The following OR2L13 variants were observed in gnomAD, a reference collection of about 807,000 sequenced individuals.
The protein encoded by OR2L13 is olfactory receptor family 2 subfamily L member 13, also known as olfactory receptor 2L13.
OR2L13 carries 14 observed loss-of-function variants against 15.3 expected under a neutral mutation model. The observed-to-expected ratio is 0.91, with a 90% confidence interval of 0.60 to 1.43. The LOEUF (loss-of-function observed/expected upper bound fraction) is 1.43. OR2L13 is among the 40% of genes most tolerant of loss of function. OR2L13 has a pLI of 0.00. For missense variants in OR2L13, 367 were observed against 387.9 expected (o/e 0.95, Z 0.45); for synonymous variants, 152 against 142.9 (o/e 1.06, Z -0.45).
the OR2L13 span, among the ~76,000 whole-genome samples, chr1:247,942,570 T>C: frequency 6.6e-6 from 1 of 152,142 alleles, no homozygotes; most frequent in Non-Finnish European, 1.5e-5. Flanking sequence ...AATTTGGTGT[T>C]CTAAATTTTC....
rs565070047 is a variant in OR2L13, at chr1:248,099,916, C to T, written c.541C>T (p.Pro181Ser). Residue 181 changes from proline to serine, a missense_variant, in exon 3 of 3, where the codon CCA becomes TCA. Transcript: ENST00000641714. ...TATTGACCATTTCTTCTGCGATGTC[C>T]CAGCCATGTTGCTTCTTGCCTGTAC... 1.4e-5 allele frequency: 22 copies of T among 1,614,096 alleles called. 2 individuals carry two copies. In the South Asian group the frequency reaches 2.2e-4, roughly 16 times the overall value.
chr1:247,975,664 A>T, the OR2L13 span: 1 of 1,079,732 alleles, frequency 9.3e-7, no homozygotes, highest in Non-Finnish European at 1.4e-6. Context: ...GATGAAGACA[A>T]ACTTTCTGCC....
chr1:248,046,896 G>A, the OR2L13 span: 2 of 152,202 alleles, frequency 1.3e-5, no homozygotes, highest in African/African-American at 4.8e-5. Flanking sequence ...AATTATAATT[G>A]TATTTTTAAA....
chr1:247,972,650 A>AACAG, the OR2L13 span, among the ~76,000 whole-genome samples: 1 of 151,800 alleles, frequency 6.6e-6, no homozygotes, highest in South Asian at 2.1e-4. Context: ...AACAAAACAA[A>AACAG]AAAAACCCAG....
chr1:247,990,888 G>A, the OR2L13 span: 2 of 1,494,558 alleles, frequency 1.3e-6, no homozygotes, highest in Non-Finnish European at 1.9e-6. Context: ...TTTTTCTTGT[G>A]TTTCCCTTCA....
chr1:248,054,795 T>C, the OR2L13 span, among the ~76,000 whole-genome samples: 1 of 152,236 alleles, frequency 6.6e-6, no homozygotes, highest in African/African-American at 2.4e-5. Context: ...TGATTTTGTA[T>C]CCTGAGAGTT....
At chr1:247,957,683 G>T in the OR2L13 span, among the ~76,000 whole-genome samples, 2 of 152,190 alleles carry the variant, frequency 1.3e-5, no homozygotes, top group African/African-American at 4.8e-5. Flanking sequence ...GGGTGTATGT[G>T]TTGAGGAATT....
chr1:248,065,924 A>G, the OR2L13 span, among the ~76,000 whole-genome samples: 1 of 152,182 alleles, frequency 6.6e-6, no homozygotes, highest in Non-Finnish European at 1.5e-5. Context: ...AGATTCTTCC[A>G]GGAATCTCTG....
chr1:248,035,265 A>T, the OR2L13 span, among the ~76,000 whole-genome samples: 1 of 152,054 alleles, frequency 6.6e-6, no homozygotes, highest in Non-Finnish European at 1.5e-5. Flanking sequence ...CCTGGCTAAC[A>T]CGGTGAAACC....
At chr1:247,967,734 T>C in the OR2L13 span, among the ~76,000 whole-genome samples, 75,212 of 151,758 alleles carry the variant, frequency 0.5, 21,149 homozygotes, top group Admixed American at 0.63. Context: ...CCTATTTAAA[T>C]ATGAATCTCA....
At chr1:247,941,670 A>AAG in the OR2L13 span, among the ~76,000 whole-genome samples, 3 of 151,316 alleles carry the variant, frequency 2.0e-5, no homozygotes, top group African/African-American at 7.3e-5. Flanking sequence ...CTTGTCATGA[A>AAG]AGAGAGAGAC....
At chr1:248,067,812 G>A in the OR2L13 span, among the ~76,000 whole-genome samples, 1 of 152,224 alleles carries the variant, frequency 6.6e-6, no homozygotes, top group African/African-American at 2.4e-5. Flanking sequence ...CTTTTCCGAC[G>A]GGCTTAAAAA....
At chr1:248,059,191 C>T in the OR2L13 span, among the ~76,000 whole-genome samples, 1 of 151,978 alleles carries the variant, frequency 6.6e-6, no homozygotes, top group African/African-American at 2.4e-5. Context: ...TAGTTGTATA[C>T]GTGGTTATAG....
At chr1:247,938,192 C>T in the OR2L13 span, among the ~76,000 whole-genome samples, 1 of 152,084 alleles carries the variant, frequency 6.6e-6, no homozygotes, top group African/African-American at 2.4e-5. Flanking sequence ...GTAACAGTCT[C>T]CTATCCCTGG....
the OR2L13 span, among the ~76,000 whole-genome samples, chr1:248,066,970 C>T: frequency 2.6e-5 from 4 of 152,198 alleles, no homozygotes; most frequent in Non-Finnish European, 5.9e-5. Flanking sequence ...TCACAAGCAT[C>T]TACAATTTGC....
chr1:247,940,721 T>C, the OR2L13 span, among the ~76,000 whole-genome samples: 1 of 103,182 alleles, frequency 9.7e-6, no homozygotes, highest in East Asian at 2.9e-4. Flanking sequence ...TGTGTGTGTG[T>C]GCATACGTGC....
At chr1:248,061,046 A>T in the OR2L13 span, 5 of 1,614,000 alleles carry the variant, frequency 3.1e-6, no homozygotes, top group African/African-American at 6.7e-5. Flanking sequence ...TATGATCGTT[A>T]CATTGCTATT....
chr1:248,057,867 T>G, the OR2L13 span, among the ~76,000 whole-genome samples: 2 of 152,228 alleles, frequency 1.3e-5, no homozygotes, highest in African/African-American at 2.4e-5. Flanking sequence ...TAATTTTATT[T>G]ATTATTTATC....
At chr1:247,965,444 T>C in the OR2L13 span, 1 of 1,613,804 alleles carries the variant, frequency 6.2e-7, no homozygotes, top group South Asian at 1.1e-5. Flanking sequence ...TATGGCTGGA[T>C]AAACTCTCTT....
Sources: allele counts gnomAD v4.1 joint callset (sites outside exome capture counted in the v4.1 genomes callset), GRCh38; gene constraint gnomAD v4.1.1; transcripts MANE v1.5; gene names NCBI Gene and HGNC (gene_info 2026-07-23, HGNC 2026-07-21).